Variants in SCRN3 observed in about 807,000 individuals in gnomAD.
SCRN3 encodes the protein secernin 3.
SCRN3 carries 39 observed loss-of-function variants against 43.1 expected under a neutral mutation model. The observed-to-expected ratio is 0.91, with a 90% CI of 0.70 to 1.18. The LOEUF is 1.18. Among genes scored for constraint, SCRN3 ranks in the 50% most tolerant of loss-of-function variants. The pLI, the probability that SCRN3 is intolerant of heterozygous loss-of-function variation, is 0.00. For missense variants in SCRN3, 484 were observed against 498.0 expected (o/e 0.97, Z 0.27); for synonymous variants, 147 against 163.1 (o/e 0.90, Z 0.75).
intron 5 of SCRN3, among the ~76,000 whole-genome samples, chr2:174,412,783 AT>A (rs931386711): frequency 1.0e-4 from 15 of 150,370 alleles, no homozygotes; most frequent in Non-Finnish European, 1.9e-4. Context: ...ACATAGGTGT[AT>A]CTGACCCTAA....
chr2:174,416,428 T>C (rs963482613), intron 5 of SCRN3, among the ~76,000 whole-genome samples: 2 of 152,188 alleles, frequency 1.3e-5, no homozygotes. Context: ...AGAGATAGGA[T>C]AGATGGAAGA....
intron 7 of SCRN3, among the ~76,000 whole-genome samples, chr2:174,426,023 T>C (rs1003043851): frequency 2.6e-5 from 4 of 152,194 alleles, no homozygotes; most frequent in Admixed American, 2.6e-4. Flanking sequence ...TTTAAATAGG[T>C]AAAAATATGT....
intron 5 of SCRN3, among the ~76,000 whole-genome samples, chr2:174,417,013 GT>G (rs1686134396): frequency 6.6e-6 from 1 of 152,076 alleles, no homozygotes; most frequent in South Asian, 2.1e-4. Context: ...AAAGTTTTCT[GT>G]AAAGTTTCTT....
intron 5 of SCRN3, among the ~76,000 whole-genome samples, chr2:174,420,632 A>G (rs191910607): frequency 6.6e-6 from 1 of 152,360 alleles, no homozygotes; most frequent in East Asian, 1.9e-4. Context: ...AGTCTGTAAA[A>G]GAACCAAATG....
At chr2:174,413,683 C>T (rs530967425) in intron 5 of SCRN3, among the ~76,000 whole-genome samples, 2 of 150,770 alleles carry the variant, frequency 1.3e-5, no homozygotes, top group East Asian at 2.0e-4. Context: ...CTCCTCCTCC[C>T]GGGTTCAAGC....
In SCRN3 at chr2:174,404,207, A is replaced by T. The variant is rs1685602260; in HGVS notation, c.646A>T (p.Lys216Ter). Residue 216 changes from lysine (K) to a stop codon, truncating the protein, a stop_gained, in exon 5 of 8, where the codon AAA (lysine) becomes TAA (stop). Coordinates refer to ENST00000272732, the MANE Select transcript of SCRN3 (RefSeq NM_024583.5). LOFTEE classifies it high-confidence loss of function. ...TAAGCGGAAAGGTTGGTGGGATGGTAAAAAGGAGTTTGATTTTGCTGCAGC... is the reference window on the plus strand; with the variant it reads ...TAAGCGGAAAGGTTGGTGGGATGGTTAAAAGGAGTTTGATTTTGCTGCAGC... Reference protein sequence around the residue: ...YAKRKGWWDGKKEFDFAAAYS... With the variant: ...YAKRKGWWDG 1.9e-6 allele frequency: 3 copies of T among 1,613,722 alleles called. No homozygotes were observed. The Admixed American group carries it at 5.0e-5, about 27-fold the overall frequency.
At chr2:174,424,706 T>C in intron 7 of SCRN3, 57 bp downstream of exon 7, 3 of 1,408,540 alleles carry the variant, frequency 2.1e-6, no homozygotes, top group East Asian at 2.4e-5. Flanking sequence ...ATTCAATCCG[T>C]ATTTTGAACT....
chr2:174,429,621 ACACATTAT>A (rs1686594211), downstream of SCRN3: 1 of 152,172 alleles, frequency 6.6e-6, no homozygotes, highest in Admixed American at 6.5e-5. Context: ...CCCTACATTG[ACACATTAT>A]CACCCAAAGG....
intron 7 of SCRN3, among the ~76,000 whole-genome samples, chr2:174,426,919 G>T (rs546002825): frequency 1.3e-5 from 2 of 151,314 alleles, no homozygotes; most frequent in African/African-American, 4.8e-5. Flanking sequence ...TGCAACCTCC[G>T]CCTTCCAGGT....
chr2:174,395,962 G>A, intron 1 of SCRN3, 145 bp downstream of exon 1: 3 of 1,394,130 alleles, frequency 2.2e-6, no homozygotes, highest in Non-Finnish European at 1.9e-6. Flanking sequence ...GGGGTGCGGG[G>A]TGGACCGCGG....
chr2:174,409,813 G>C lies in SCRN3; in HGVS notation c.754+5498G>C, dbSNP rs879996107. ...GACCCACTTGAGCAGGCAGTCTGCC[G>C]GTTCTCAGATCTCCAGCTGCGTGCT... On this transcript the variant is annotated intron_variant, in intron 5 of 7. Transcript: ENST00000272732. Among the ~76,000 whole-genome samples, 1,082 of 123,090 alleles carry C rather than the reference G, an allele frequency of 8.8e-3. 26 individuals are homozygous for C. Among genetic ancestry groups the C allele is most frequent in the Middle Eastern group, 0.049 (9 of 182 alleles). 80.8% of individuals were successfully genotyped at this position (123,090 alleles called of 152,430 possible). A position where few individuals can be genotyped will look rare whatever the true frequency, so the allele number is the denominator to read the frequency against.
intron 5 of SCRN3, 77 bp downstream of exon 5, chr2:174,404,392 G>A: frequency 1.1e-6 from 1 of 899,916 alleles, no homozygotes; most frequent in Non-Finnish European, 1.7e-6. Flanking sequence ...GATAACATCT[G>A]TTTTGGGGAA....
intron 4 of SCRN3, 57 bp from the exon 5 acceptor site, chr2:174,404,046 T>C (rs1466976701): frequency 3.0e-6 from 4 of 1,338,874 alleles, no homozygotes; most frequent in Non-Finnish European, 4.2e-6. Flanking sequence ...TACAGATACA[T>C]GCTTTATGTT....
chr2:174,410,289 G>A (rs570920494), intron 5 of SCRN3: 1 of 150,792 alleles, frequency 6.6e-6, no homozygotes, highest in East Asian at 2.0e-4. Flanking sequence ...CGCTTCCCAG[G>A]TGAGGCAATG....
intron 7 of SCRN3, 129 bp downstream of exon 7, chr2:174,424,778 A>G: frequency 1.6e-6 from 1 of 635,830 alleles, no homozygotes; most frequent in Non-Finnish European, 2.7e-6. Flanking sequence ...TTAGATGCTC[A>G]GACTATAGTA....
chr2:174,396,219 A>G, intron 1 of SCRN3: 1 of 890,148 alleles, frequency 1.1e-6, no homozygotes, highest in Non-Finnish European at 1.4e-6. Context: ...TCTATTTTGT[A>G]CCCAGCTGTA....
intron 5 of SCRN3, among the ~76,000 whole-genome samples, chr2:174,420,385 T>G (rs1686256365): frequency 1.3e-5 from 2 of 152,294 alleles, no homozygotes; most frequent in South Asian, 4.1e-4. Flanking sequence ...AAAAGAATAT[T>G]AAATGCTCTG....
intron 5 of SCRN3, among the ~76,000 whole-genome samples, chr2:174,412,325 CA>C (rs748737772): frequency 6.6e-6 from 1 of 151,922 alleles, no homozygotes; most frequent in Non-Finnish European, 1.5e-5. Flanking sequence ...ACCAACAAGA[CA>C]TAGCATGGGA....
At chr2:174,403,574 CTT>C (rs1336408983) in intron 4 of SCRN3, among the ~76,000 whole-genome samples, 1 of 152,110 alleles carries the variant, frequency 6.6e-6, no homozygotes, top group Admixed American at 6.6e-5. Flanking sequence ...ATAGATGAAT[CTT>C]TAGCGAATTG....
Sources: gnomAD v4.1 joint callset for allele counts (sites outside exome capture counted in the v4.1 genomes callset) on GRCh38, gnomAD v4.1.1 for gene constraint, MANE v1.5 for transcripts, NCBI Gene and HGNC (gene_info 2026-07-23, HGNC 2026-07-21) for gene names.